SLC8A3: variants seen among roughly 807,000 people sequenced by gnomAD.
The protein encoded by SLC8A3 is solute carrier family 8 member A3.
SLC8A3 carries 37 observed loss-of-function variants against 65.4 expected under a neutral mutation model. That is an observed-to-expected ratio of 0.57 (90% CI 0.44 to 0.74). The LOEUF (loss-of-function observed/expected upper bound fraction) is 0.74, where lower values mean the gene tolerates loss of function less well. Among genes scored for constraint, SLC8A3 ranks in the 30% least tolerant of loss-of-function variants. The pLI is 0.00. For synonymous variants in SLC8A3, 461 were observed against 444.5 expected, an observed-to-expected ratio of 1.04 and a Z score of -0.47; for missense variants, 1,112 against 1,172.1, an observed-to-expected ratio of 0.95 and a Z score of 0.75.
chr14:70,079,316 T>C (rs1172074071), intron 2 of SLC8A3, among the ~76,000 whole-genome samples: 1 of 124,886 alleles, frequency 8.0e-6, no homozygotes, highest in African/African-American at 3.2e-5. Flanking sequence ...AAACCCTGTC[T>C]CTACTAAAAA....
chr14:70,152,160 T>G (rs1327184583), intron 2 of SLC8A3, among the ~76,000 whole-genome samples: 3 of 152,090 alleles, frequency 2.0e-5, no homozygotes. Context: ...GCGTGGGCAG[T>G]GGGAAGCAAC....
rs749874510 is a variant in SLC8A3 at position 70,051,017 on chromosome 14, C to T, written c.2104G>A (p.Val702Ile). ...CTGAGACACTTCTCACCTGCACTGA[C>T]GGTGATGGCCTCCATGAACTGGTCC... ...WRDQFMEAIT[V>I]SAAGDEDEDE... The change falls in exon 5 of 7, where the codon GTC becomes ATC. Residue 702 changes from valine to isoleucine, a missense_variant. Transcript: ENST00000356921. 2.6e-5 allele frequency: 41 copies of T among 1,607,736 alleles called. No individual in the cohort carries two copies. The Admixed American group carries it at 3.5e-4, about 14-fold the overall frequency.
At chr14:70,139,860 G>A (rs1446884125) in intron 2 of SLC8A3, among the ~76,000 whole-genome samples, 1 of 152,172 alleles carries the variant, frequency 6.6e-6, no homozygotes, top group Non-Finnish European at 1.5e-5. Context: ...TAACCAACAT[G>A]TCAATAGAGG....
intron 2 of SLC8A3, among the ~76,000 whole-genome samples, chr14:70,102,430 C>G (rs1378902790): frequency 6.6e-6 from 1 of 151,988 alleles, no homozygotes; most frequent in Admixed American, 6.5e-5. Flanking sequence ...TTTCAATATA[C>G]AGCAAACAAT....
chr14:70,076,657 AC>A (rs1356499141), intron 2 of SLC8A3, among the ~76,000 whole-genome samples: 1 of 152,162 alleles, frequency 6.6e-6, no homozygotes, highest in Non-Finnish European at 1.5e-5. Flanking sequence ...GGAAAAGTTC[AC>A]CTTGATAGCT....
intron 1 of SLC8A3, among the ~76,000 whole-genome samples, chr14:70,185,548 T>C (rs1168265226): frequency 3.3e-5 from 5 of 152,186 alleles, no homozygotes; most frequent in Non-Finnish European, 7.3e-5. Context: ...ACAGGGTCAG[T>C]TCAGTAAGCA....
intron 2 of SLC8A3, among the ~76,000 whole-genome samples, chr14:70,089,264 C>G (rs533207157): frequency 1.3e-5 from 2 of 152,162 alleles, no homozygotes; most frequent in South Asian, 2.1e-4. Flanking sequence ...ATTTGGGGAG[C>G]CTCCCACAGC....
At chr14:70,074,717 G>A (rs966111256) in intron 2 of SLC8A3, among the ~76,000 whole-genome samples, 2 of 152,102 alleles carry the variant, frequency 1.3e-5, no homozygotes, top group South Asian at 4.1e-4. Context: ...ACATTTAAGG[G>A]TACACCTAAA....
chr14:70,132,791 C>T (rs1218119248), intron 2 of SLC8A3, among the ~76,000 whole-genome samples: 1 of 152,176 alleles, frequency 6.6e-6, no homozygotes, highest in African/African-American at 2.4e-5. Flanking sequence ...GGCAAGTGAG[C>T]TGAGACAGTG....
intron 1 of SLC8A3, among the ~76,000 whole-genome samples, chr14:70,170,847 G>A (rs1044223380): frequency 2.6e-5 from 4 of 152,132 alleles, no homozygotes; most frequent in Non-Finnish European, 5.9e-5. Flanking sequence ...CAGGTGCTGG[G>A]GGCATCACAA....
intron 2 of SLC8A3, among the ~76,000 whole-genome samples, chr14:70,078,521 C>G (rs991969868): frequency 6.6e-6 from 1 of 152,140 alleles, no homozygotes; most frequent in Non-Finnish European, 1.5e-5. Context: ...GCTTTGGATC[C>G]ACAGAAATGC....
intron 2 of SLC8A3, among the ~76,000 whole-genome samples, chr14:70,062,335 A>G (rs745384797): frequency 6.6e-6 from 1 of 152,232 alleles, no homozygotes; most frequent in African/African-American, 2.4e-5. Flanking sequence ...GTACAGTCAC[A>G]TGCTACATAA....
At chr14:70,174,651 GTTT>G (rs1286502376) in intron 1 of SLC8A3, among the ~76,000 whole-genome samples, 18 of 90,364 alleles carry the variant, frequency 2.0e-4, no homozygotes, top group African/African-American at 8.9e-4. Context: ...GACCAAATCC[GTTT>G]TTTTTTTGTT....
intron 2 of SLC8A3, among the ~76,000 whole-genome samples, chr14:70,066,635 A>C (rs1354262377): frequency 6.6e-6 from 1 of 152,000 alleles, no homozygotes; most frequent in Non-Finnish European, 1.5e-5. Context: ...ACATGGGGAA[A>C]CTCTGTCTCT....
intron 2 of SLC8A3, among the ~76,000 whole-genome samples, chr14:70,096,039 G>C (rs1172394172): frequency 6.6e-6 from 1 of 151,966 alleles, no homozygotes; most frequent in Non-Finnish European, 1.5e-5. Flanking sequence ...GTGCCACCAC[G>C]CCCAGCTAAT....
intron 2 of SLC8A3, among the ~76,000 whole-genome samples, chr14:70,114,400 G>T (rs1386534248): frequency 6.6e-6 from 1 of 152,180 alleles, no homozygotes; most frequent in Non-Finnish European, 1.5e-5. Context: ...CTCTTATTCA[G>T]CCTAGTCATA....
rs1277290071 is a variant in SLC8A3, at chr14:70,167,284, G to A, written c.1139C>T (p.Ala380Val). ...GGTGTGCACCTCGCTCATGCTGGAG[G>A]CCTTCTTGGCTTGTTCTGCTGCATG... ...KKHAAEQAKK[A>V]SSMSEVHTDE... Residue 380 changes from alanine to valine, a missense_variant, in exon 2 of 7, where the codon GCC (alanine) becomes GTC (valine). Transcript: ENST00000356921. 6.2e-7 allele frequency: 1 copy of A among 1,614,166 alleles called. No individual in the cohort carries two copies. The highest frequency in any genetic ancestry group is 1.7e-5 in the Admixed American group (1 of 60,020).
chr14:70,152,917 T>C (rs1896361712), intron 2 of SLC8A3, among the ~76,000 whole-genome samples: 1 of 152,120 alleles, frequency 6.6e-6, no homozygotes. Context: ...GAAGGCTTAA[T>C]TGAATTACAG....
chr14:70,122,414 G>A (rs879924603), intron 2 of SLC8A3, among the ~76,000 whole-genome samples: 6 of 152,062 alleles, frequency 3.9e-5, no homozygotes, highest in East Asian at 1.9e-4. Flanking sequence ...ACTGGTTCAA[G>A]GACAATGGGG....
Sources: allele counts gnomAD v4.1 joint callset (sites outside exome capture counted in the v4.1 genomes callset), GRCh38; gene constraint gnomAD v4.1.1; transcripts MANE v1.5; gene names NCBI Gene and HGNC (gene_info 2026-07-23, HGNC 2026-07-21).